PCLO: variants seen among roughly 807,000 people sequenced by gnomAD.
PCLO encodes the protein protein piccolo.
A neutral mutation model predicts 427.5 loss-of-function variants in PCLO; 82 were observed. The ratio of observed to expected loss-of-function variants is 0.19; its 90% CI spans 0.16 to 0.23. The LOEUF is 0.23. Ranked by LOEUF, PCLO falls within the 10% of genes least tolerant of loss-of-function variation. The pLI is 1.00. For missense variants in PCLO, 6,239 were observed against 6,115.9 expected (o/e 1.02, Z -0.67); for synonymous variants, 2,357 against 2,155.4 (o/e 1.09, Z -2.59).
At chr7:83,044,977 T>C (rs55796566) in intron 3 of PCLO, among the ~76,000 whole-genome samples, 18,336 of 152,124 alleles carry the variant, frequency 0.12, 1,563 homozygotes, top group African/African-American at 0.22. Flanking sequence ...CCACAGGGTA[T>C]AGCAAAAATA....
intron 3 of PCLO, among the ~76,000 whole-genome samples, chr7:83,073,873 T>C (rs1789880581): frequency 1.3e-5 from 2 of 151,360 alleles, no homozygotes; most frequent in South Asian, 4.1e-4. Context: ...GCAATCAAAC[T>C]ATATGTGGAG....
At chr7:83,120,670 C>T (rs1459872666) in intron 3 of PCLO, among the ~76,000 whole-genome samples, 2 of 152,148 alleles carry the variant, frequency 1.3e-5, no homozygotes, top group African/African-American at 4.8e-5. Flanking sequence ...ACCTTAAAGG[C>T]CAGGAGAGAG....
At chr7:82,901,192 A>T (rs1407617045) in intron 9 of PCLO, among the ~76,000 whole-genome samples, 3 of 151,908 alleles carry the variant, frequency 2.0e-5, no homozygotes, top group Non-Finnish European at 2.9e-5. Context: ...CATATTAATG[A>T]TCATGTCATC....
chr7:82,950,606 G>A lies in PCLO; in HGVS notation c.9982C>T (p.Pro3328Ser), dbSNP rs745971591. 3 of 1,613,842 alleles carry A rather than the reference G, an allele frequency of 1.9e-6. No individual in the cohort carries two copies. The East Asian group carries it at 6.7e-5, about 36-fold the overall frequency. The change falls in exon 6 of 25, where the codon CCA becomes TCA. Residue 3328 changes from proline (P) to serine (S), a missense_variant. Around this residue, in one of 5 missense-constraint regions of PCLO, gnomAD observed 4,677 missense variants for 4,468.4 expected, o/e 1.05. Coordinates refer to ENST00000333891, the MANE Select transcript of PCLO (RefSeq NM_033026.6). ...YNYDPSGTAS[P>S]QTTTEQAILE... is the part of the protein sequence containing the mutation. ...ATTGCCTGCTCTGTAGTGGTTTGTG[G>A]AGAAGCAGTTCCAGAAGGGTCATAG...
intron 3 of PCLO, among the ~76,000 whole-genome samples, chr7:83,061,571 G>A (rs1789544377): frequency 3.9e-5 from 6 of 152,026 alleles, no homozygotes; most frequent in Admixed American, 3.9e-4. Flanking sequence ...AGAATCTTAG[G>A]GACCACCTTA....
chr7:83,073,299 CATA>C (rs1204091648), intron 3 of PCLO, among the ~76,000 whole-genome samples: 2 of 151,958 alleles, frequency 1.3e-5, no homozygotes, highest in Non-Finnish European at 2.9e-5. Flanking sequence ...TAACAGCCAT[CATA>C]ATATAATGTG....
chr7:83,057,774 G>A (rs139547026), intron 3 of PCLO, among the ~76,000 whole-genome samples: 1,862 of 151,946 alleles, frequency 0.012, 17 homozygotes, highest in Middle Eastern at 0.031. Flanking sequence ...AATTTTAATG[G>A]AAAGAAAATC....
intron 3 of PCLO, among the ~76,000 whole-genome samples, chr7:83,091,374 T>G (rs543405684): frequency 1.3e-5 from 2 of 152,138 alleles, no homozygotes; most frequent in Non-Finnish European, 2.9e-5. Flanking sequence ...CTCCAGGCAA[T>G]TGAAGAAAAT....
At chr7:82,845,212 C>G in intron 13 of PCLO, 59 bp downstream of exon 13, 1 of 1,131,354 alleles carries the variant, frequency 8.8e-7, no homozygotes, top group Non-Finnish European at 1.3e-6. Context: ...TTTTCTGTCT[C>G]TATGCTGAAT....
At position 83,155,716 on chromosome 7, in the gene PCLO, G is replaced by A. The variant is rs768178593; in HGVS notation, c.925C>T (p.Pro309Ser). 2.5e-6 allele frequency: 4 copies of A among 1,613,862 alleles called. No homozygotes were observed. The African/African-American group carries it at 4.0e-5, about 16-fold the overall frequency. ...PSPSKPPIQQ[P>S]TPGKPPAQQP... ...TGTGCTGGAGGTTTTCCAGGAGTTG[G>A]TTGCTGAATAGGTGGTTTGGATGGG... The change falls in exon 2 of 25, where the codon CCA becomes TCA. Residue 309 changes from proline (P) to serine (S), a missense_variant. This residue lies in a region of PCLO where 4,677 missense variants were observed against 4,468.4 expected (regional missense o/e 1.05). Coordinates refer to ENST00000333891, the MANE Select transcript of PCLO (RefSeq NM_033026.6).
chr7:83,082,350 G>A (rs1342725839), intron 3 of PCLO, among the ~76,000 whole-genome samples: 1 of 151,580 alleles, frequency 6.6e-6, no homozygotes, highest in Non-Finnish European at 1.5e-5. Context: ...AACCATAGAT[G>A]AGAAGTCACA....
At chr7:83,049,565 C>T (rs1232952223) in intron 3 of PCLO, among the ~76,000 whole-genome samples, 1 of 152,140 alleles carries the variant, frequency 6.6e-6, no homozygotes, top group Admixed American at 6.6e-5. Flanking sequence ...TCACAGACAT[C>T]TGTGTGACAG....
At position 82,764,553 on chromosome 7, in the gene PCLO, C is replaced by T. The variant is rs1246405883; in HGVS notation, c.15008-3060G>A. On this transcript the variant is annotated intron_variant, in intron 22 of 24. Coordinates refer to ENST00000333891, the MANE Select transcript of PCLO (RefSeq NM_033026.6). ...AGTTCTATACTATGTACAAGAAATA[C>T]AACTAAAATCTGGTTTTATTCCAAA... is the stretch of plus-strand genomic sequence containing the variant. Among the ~76,000 whole-genome samples, 5 of 151,924 alleles carry T rather than the reference C, an allele frequency of 3.3e-5. No individual in the cohort carries two copies. In the East Asian group the frequency reaches 9.7e-4, roughly 29 times the overall value.
chr7:82,856,009 G>A (rs1426355515), intron 10 of PCLO, among the ~76,000 whole-genome samples: 1 of 152,098 alleles, frequency 6.6e-6, no homozygotes, highest in Non-Finnish European at 1.5e-5. Flanking sequence ...AACTACTCTT[G>A]TGAAAACTTG....
At chr7:83,096,975 TATATTATATAA>T (rs1790584166) in intron 3 of PCLO, among the ~76,000 whole-genome samples, 1 of 48,806 alleles carries the variant, frequency 2.0e-5, no homozygotes, top group Non-Finnish European at 3.0e-5. Flanking sequence ...TAATATATTA[TATATTATATAA>T]ATAATATATA....
At position 82,800,650 on chromosome 7, in the gene PCLO, C is replaced by T. The variant is rs370336269; in HGVS notation, c.15007+868G>A. ...TCCCTCTGTCGCCCAGGCTGGAGTGCAGTGGCGAGATCTGGGCTTACTGCA... is the reference window on the plus strand; with the variant it reads ...TCCCTCTGTCGCCCAGGCTGGAGTGTAGTGGCGAGATCTGGGCTTACTGCA... On this transcript the variant is annotated intron_variant, in intron 22 of 24. Coordinates refer to ENST00000333891, the MANE Select transcript of PCLO (RefSeq NM_033026.6). Among the ~76,000 whole-genome samples the T allele has an allele frequency of 3.0e-4, 46 of 152,124 alleles. No homozygotes were observed. In the South Asian group the frequency reaches 9.4e-3, roughly 31 times the overall value.
chr7:83,006,350 C>T lies in PCLO; in HGVS notation c.3301-39863G>A, dbSNP rs114914848. 5.4e-3 allele frequency among the ~76,000 whole-genome samples: 812 copies of T among 151,618 alleles called. 3 individuals are homozygous for T. Among genetic ancestry groups the T allele is most frequent in the African/African-American group, 0.018 (765 of 41,488 alleles). Reference sequence around the variant, plus strand: ...CAGAAAAAAATACTTGAATATGTTTCACAGCACATGGTAAAGTTAATAGAT... The same window carrying T: ...CAGAAAAAAATACTTGAATATGTTTTACAGCACATGGTAAAGTTAATAGAT... On this transcript the variant is annotated intron_variant, in intron 3 of 24. Coordinates refer to ENST00000333891, the MANE Select transcript of PCLO (RefSeq NM_033026.6).
intron 1 of PCLO, among the ~76,000 whole-genome samples, chr7:83,159,785 ACTAT>A (rs1275172787): frequency 2.0e-5 from 3 of 151,816 alleles, no homozygotes; most frequent in Non-Finnish European, 2.9e-5. Flanking sequence ...CAACTTTGGG[ACTAT>A]CTGTTAATTT....
chr7:83,071,902 A>C (rs1465048224), intron 3 of PCLO, among the ~76,000 whole-genome samples: 1 of 152,178 alleles, frequency 6.6e-6, no homozygotes, highest in Non-Finnish European at 1.5e-5. Flanking sequence ...AATTCTGCTT[A>C]AGATCTATCT....
Sources: allele counts gnomAD v4.1 joint callset (sites outside exome capture counted in the v4.1 genomes callset), GRCh38; gene constraint gnomAD v4.1.1; regional missense constraint gnomAD v4.1.1; transcripts MANE v1.5; gene names NCBI Gene and HGNC (gene_info 2026-07-23, HGNC 2026-07-21).